MEGF6: variants seen among roughly 807,000 people sequenced by gnomAD.
The protein encoded by MEGF6 is multiple epidermal growth factor-like domains protein 6.
Under a neutral mutation model 207.1 loss-of-function variants are expected in MEGF6, and 184 were observed. The observed-to-expected ratio is 0.89, with a 90% confidence interval of 0.79 to 1.00. The LOEUF (loss-of-function observed/expected upper bound fraction) is 1.00. MEGF6 is among the 50% of genes least tolerant of loss of function. The pLI, the probability that MEGF6 is intolerant of heterozygous loss-of-function variation, is 0.00. For synonymous variants in MEGF6, 1,038 were observed against 910.0 expected, an observed-to-expected ratio of 1.14 and a Z score of -2.53; for missense variants, 2,282 against 2,202.9, an observed-to-expected ratio of 1.04 and a Z score of -0.72.
intron 5 of MEGF6, among the ~76,000 whole-genome samples, chr1:3,518,182 T>C (rs1641615013): frequency 6.6e-6 from 1 of 152,186 alleles, no homozygotes; most frequent in East Asian, 1.9e-4. Flanking sequence ...ATAGGGTCTC[T>C]GAGAGGGAAG....
At chr1:3,623,178 A>C in the MEGF6 span, 7 of 117,080 alleles carry the variant, frequency 6.0e-5, no homozygotes, top group South Asian at 2.9e-4. Context: ...TCTCTTTCTC[A>C]TTCTCCCTTC....
chr1:3,526,940 G>A (rs1641987883), intron 4 of MEGF6, among the ~76,000 whole-genome samples: 1 of 152,226 alleles, frequency 6.6e-6, no homozygotes, highest in African/African-American at 2.4e-5. Context: ...GCCACCAGCA[G>A]ACTCCCACTG....
chr1:3,490,691 G>A (rs1640316573), intron 36 of MEGF6, 102 bp from the exon 37 acceptor site: 4 of 1,091,480 alleles, frequency 3.7e-6, no homozygotes, highest in Non-Finnish European at 5.2e-6. Context: ...CCTCCCTTCA[G>A]CAGCTCAGCC....
chr1:3,574,689 C>T (rs1028226723), intron 4 of MEGF6, among the ~76,000 whole-genome samples: 1 of 152,196 alleles, frequency 6.6e-6, no homozygotes, highest in Non-Finnish European at 1.5e-5. Context: ...GTCAGCTAGG[C>T]TGGAGTCCAG....
intron 4 of MEGF6, among the ~76,000 whole-genome samples, chr1:3,533,749 T>C (rs1642245577): frequency 6.6e-6 from 1 of 152,156 alleles, no homozygotes; most frequent in African/African-American, 2.4e-5. Context: ...GGCGGGAGCC[T>C]GGGCAACAGA....
intron 5 of MEGF6, 48 bp downstream of exon 5, chr1:3,524,076 G>C: frequency 6.3e-7 from 1 of 1,590,410 alleles, no homozygotes; most frequent in Non-Finnish European, 8.6e-7. Flanking sequence ...CAGAGGGTAG[G>C]GATGGCTGAA....
Position 3,524,145 on chromosome 1 carries a change from T to C in MEGF6, c.583A>G (p.Thr195Ala), listed in dbSNP as rs1641870624. Residue 195 changes from threonine (T) to alanine (A), a missense_variant, in exon 5 of 37, where the codon ACT becomes GCT. Coordinates refer to ENST00000356575, the MANE Select transcript of MEGF6 (RefSeq NM_001409.4). The part of the protein sequence containing the change: ...CECKPGFRLH[T>A]DSRTCLAINS... ...TCACCCAGGCAGGTCCTGCTGTCAG[T>C]GTGGAGCCGGAAGCCGGGCTTGCAC... is the stretch of plus-strand genomic sequence containing the variant. The C allele has an allele frequency of 1.9e-6, 3 of 1,612,440 alleles. No individual in the cohort carries two copies. Among genetic ancestry groups the C allele is most frequent in the Admixed American group, 1.7e-5 (1 of 59,980 alleles).
At chr1:3,585,588 G>GGGTGT (rs1643882041) in intron 3 of MEGF6, among the ~76,000 whole-genome samples, 1 of 130,480 alleles carries the variant, frequency 7.7e-6, no homozygotes. Flanking sequence ...TCCTGTGTGT[G>GGGTGT]GACACGTCCT....
upstream of MEGF6, among the ~76,000 whole-genome samples, chr1:3,612,950 C>A (rs576746726): frequency 6.6e-6 from 1 of 152,314 alleles, no homozygotes; most frequent in East Asian, 1.9e-4. Flanking sequence ...CCCCAAATCA[C>A]CCAGCTTGTG....
At chr1:3,578,974 C>T (rs925542219) in intron 4 of MEGF6, among the ~76,000 whole-genome samples, 9 of 152,266 alleles carry the variant, frequency 5.9e-5, no homozygotes, top group Non-Finnish European at 1.2e-4. Context: ...TTCCTCGAAT[C>T]GCTTCCTGCT....
chr1:3,549,391 G>A (rs935967811), intron 4 of MEGF6, among the ~76,000 whole-genome samples: 2 of 152,208 alleles, frequency 1.3e-5, no homozygotes, highest in Admixed American at 6.5e-5. Context: ...GGACGGAGAA[G>A]TTCAGCTCCA....
chr1:3,498,801 G>T lies in MEGF6; in HGVS notation c.3120C>A (p.Asp1040Glu). 6.4e-7 allele frequency: 1 copy of T among 1,555,238 alleles called. No individual in the cohort carries two copies. The highest frequency in any genetic ancestry group is 8.7e-7 in the Non-Finnish European group (1 of 1,149,820). The part of the protein sequence containing the change: ...LQACPAGLYG[D>E]NCRHSCLCQN... ...GGCAGAGGCAGGAATGCCGACAGTT[G>T]TCGCCGTACAGGCCGGCAGGGCAGG... The change falls in exon 25 of 37, where the codon GAC becomes GAA. Residue 1040 changes from aspartate (D) to glutamate (E), a missense_variant. Transcript: ENST00000356575.
At position 3,497,118 on chromosome 1, in the gene MEGF6, G is replaced by A. The variant is rs1461560655; in HGVS notation, c.3483C>T (p.Ala1161=). The A allele has an allele frequency of 6.4e-7, 1 of 1,574,626 alleles. No individual in the cohort carries two copies. The highest frequency in any genetic ancestry group is 8.6e-7 in the Non-Finnish European group (1 of 1,157,924). ...CCTCCCCAAAGCTGCCGGGTGGGCAGGCTGGGTGGAGACAGGCAGGGTCGG... is the reference window on the plus strand; with the variant it reads ...CCTCCCCAAAGCTGCCGGGTGGGCAAGCTGGGTGGAGACAGGCAGGGTCGG... The part of the protein sequence containing the change: ...PGFTGSGCEQ[A]CPPGSFGEDC... The change falls in exon 28 of 37, where the codon GCC becomes GCT. Residue 1161 remains alanine (A), a splice_region_variant and synonymous_variant. Coordinates refer to ENST00000356575, the MANE Select transcript of MEGF6 (RefSeq NM_001409.4).
At chr1:3,567,510 C>T (rs1434727043) in intron 4 of MEGF6, among the ~76,000 whole-genome samples, 3 of 151,836 alleles carry the variant, frequency 2.0e-5, no homozygotes, top group African/African-American at 7.3e-5. Context: ...ATCCCTCCTG[C>T]ACCCCCAGCA....
intron 5 of MEGF6, among the ~76,000 whole-genome samples, chr1:3,518,120 C>T (rs1377533531): frequency 1.3e-5 from 2 of 152,116 alleles, no homozygotes; most frequent in African/African-American, 4.8e-5. Flanking sequence ...ATGTGTCCCC[C>T]CTAAAAAATC....
chr1:3,508,444 C>T, intron 13 of MEGF6, 114 bp downstream of exon 13: 2 of 1,268,188 alleles, frequency 1.6e-6, no homozygotes, highest in South Asian at 1.5e-5. Flanking sequence ...GCACAGAGCC[C>T]CCTGCCCAGG....
At chr1:3,567,259 C>A (rs911474004) in intron 4 of MEGF6, among the ~76,000 whole-genome samples, 1 of 152,206 alleles carries the variant, frequency 6.6e-6, no homozygotes, top group Non-Finnish European at 1.5e-5. Context: ...CCTGGACACG[C>A]TTCCTCCCTT....
At chr1:3,561,640 A>G (rs1643205152) in intron 4 of MEGF6, among the ~76,000 whole-genome samples, 2 of 152,154 alleles carry the variant, frequency 1.3e-5, no homozygotes, top group South Asian at 4.1e-4. Flanking sequence ...GGCTGATGAC[A>G]AAGACCGTTC....
At chr1:3,554,727 C>T (rs7554029) in intron 4 of MEGF6, among the ~76,000 whole-genome samples, 12,164 of 152,264 alleles carry the variant, frequency 0.08, 891 homozygotes, top group African/African-American at 0.19. Context: ...AGCCTCTCTC[C>T]CTCCATGAGG....
Sources: allele counts gnomAD v4.1 joint callset (sites outside exome capture counted in the v4.1 genomes callset), GRCh38; gene constraint gnomAD v4.1.1; transcripts MANE v1.5; gene names NCBI Gene and HGNC (gene_info 2026-07-23, HGNC 2026-07-21).